The following BARX2 variants were observed in gnomAD, a reference collection of about 807,000 sequenced individuals.
BARX2 encodes the protein BARX homeobox 2.
BARX2 carries 11 observed loss-of-function variants against 25.5 expected under a neutral mutation model. The observed-to-expected ratio is 0.43, with a 90% confidence interval of 0.27 to 0.71. BARX2 has a LOEUF of 0.71. BARX2 is among the 30% of genes least tolerant of loss of function. BARX2 has a pLI of 0.19. For synonymous variants in BARX2, 137 were observed against 149.5 expected, an observed-to-expected ratio of 0.92 and a Z score of 0.61; for missense variants, 360 against 359.9, an observed-to-expected ratio of 1.00 and a Z score of 0.00.
chr11:129,382,272 G>A (rs571528688), intron 1 of BARX2, among the ~76,000 whole-genome samples: 19 of 152,214 alleles, frequency 1.2e-4, no homozygotes, highest in Non-Finnish European at 2.1e-4. Context: ...TCTGCTTCCC[G>A]GGTTCAAGCG....
At chr11:129,389,540 G>T (rs1346983162) in intron 1 of BARX2, among the ~76,000 whole-genome samples, 1 of 151,668 alleles carries the variant, frequency 6.6e-6, no homozygotes, top group Non-Finnish European at 1.5e-5. Context: ...AACATCACAA[G>T]ATGTGCTTTG....
At position 129,415,501 on chromosome 11, in the gene BARX2, G is replaced by C. The variant is rs531676224; in HGVS notation, c.188-21250G>C. Among the ~76,000 whole-genome samples, 16 of 152,188 alleles carry C rather than the reference G, an allele frequency of 1.1e-4. No homozygotes were observed. In the South Asian group the frequency reaches 3.3e-3, roughly 32 times the overall value. On this transcript the variant is annotated intron_variant, in intron 1 of 3. Coordinates refer to ENST00000281437, the MANE Select transcript of BARX2 (RefSeq NM_003658.5). ...ATAAGCAATAAGAATGGTTCTGCTGGGCCCACTGGTCATAACTTGTCTAAT... is the reference window on the plus strand; with the variant it reads ...ATAAGCAATAAGAATGGTTCTGCTGCGCCCACTGGTCATAACTTGTCTAAT...
At chr11:129,399,661 G>A (rs1278530566) in intron 1 of BARX2, among the ~76,000 whole-genome samples, 1 of 152,152 alleles carries the variant, frequency 6.6e-6, no homozygotes, top group Non-Finnish European at 1.5e-5. Flanking sequence ...GCAGAGCAAG[G>A]CTACCCCATA....
chr11:129,408,841 C>A (rs1861858455), intron 1 of BARX2, among the ~76,000 whole-genome samples: 1 of 152,138 alleles, frequency 6.6e-6, no homozygotes, highest in African/African-American at 2.4e-5. Flanking sequence ...GCTCCTTGAG[C>A]AGACCATGTT....
chr11:129,425,119 G>C (rs1032939177), intron 1 of BARX2, among the ~76,000 whole-genome samples: 1 of 152,196 alleles, frequency 6.6e-6, no homozygotes, highest in Non-Finnish European at 1.5e-5. Flanking sequence ...AGAGCTCAAA[G>C]GTGTCAGAAC....
chr11:129,409,003 A>C (rs1861859896), intron 1 of BARX2, among the ~76,000 whole-genome samples: 1 of 152,156 alleles, frequency 6.6e-6, no homozygotes, highest in South Asian at 2.1e-4. Context: ...AAGGGGAGTG[A>C]TATTCACCAT....
At chr11:129,427,043 G>A (rs530093912) in intron 1 of BARX2, among the ~76,000 whole-genome samples, 12 of 152,240 alleles carry the variant, frequency 7.9e-5, no homozygotes, top group African/African-American at 2.4e-4. Flanking sequence ...AAGAAGATAC[G>A]TATGCATGCT....
At chr11:129,416,988 G>A (rs756717742) in intron 1 of BARX2, among the ~76,000 whole-genome samples, 7 of 151,218 alleles carry the variant, frequency 4.6e-5, no homozygotes, top group Non-Finnish European at 7.4e-5. Flanking sequence ...TGCAAGCTCC[G>A]CCTCCCGGGT....
At chr11:129,423,935 C>T (rs1862036830) in intron 1 of BARX2, among the ~76,000 whole-genome samples, 1 of 151,740 alleles carries the variant, frequency 6.6e-6, no homozygotes, top group South Asian at 2.1e-4. Context: ...CTGTAACCTC[C>T]ACCTCCTAGG....
At chr11:129,431,445 T>C (rs77189556) in intron 1 of BARX2, among the ~76,000 whole-genome samples, 1,644 of 152,294 alleles carry the variant, frequency 0.011, 31 homozygotes, top group African/African-American at 0.038. Context: ...CTCCACATCC[T>C]CACCAGCACT....
intron 1 of BARX2, among the ~76,000 whole-genome samples, chr11:129,384,884 A>G (rs930819302): frequency 3.3e-5 from 5 of 152,210 alleles, no homozygotes; most frequent in African/African-American, 1.2e-4. Context: ...AAATATCCCT[A>G]TGAAATAGGT....
At chr11:129,404,100 C>T (rs747369594) in intron 1 of BARX2, among the ~76,000 whole-genome samples, 3 of 152,206 alleles carry the variant, frequency 2.0e-5, no homozygotes. Flanking sequence ...AAATTTTCAA[C>T]AAGGACCACT....
At chr11:129,375,530 C>T (rs966819312), upstream of BARX2, among the ~76,000 whole-genome samples, 1 of 152,080 alleles carries the variant, frequency 6.6e-6, no homozygotes, top group Non-Finnish European at 1.5e-5. The surrounding 1 kb of genome is among the most constrained non-coding windows in gnomAD (Gnocchi z 4.0). Context: ...CGGGCTGGGG[C>T]GGTGCGCGCT....
intron 1 of BARX2, among the ~76,000 whole-genome samples, chr11:129,392,177 C>T (rs1476637025): frequency 1.3e-5 from 2 of 152,198 alleles, no homozygotes; most frequent in African/African-American, 4.8e-5. Flanking sequence ...TAGTTGCTCT[C>T]TTATTTACAT....
rs1591448697 is a variant in BARX2, at chr11:129,442,997, G to A, written c.573+78G>A. On this transcript the variant is annotated intron_variant, in intron 3 of 3. Transcript: ENST00000281437. ...TCCAGGGCTGTTGGGAGGGAGGCCG[G>A]ACCATTTGGCAGTTTGGGCTGCAGA... The A allele has an allele frequency of 1.8e-5, 25 of 1,355,742 alleles. No homozygotes were observed. The Admixed American group carries it at 4.3e-4, about 23-fold the overall frequency. 84.0% of individuals were successfully genotyped at this position (1,355,742 alleles called of 1,614,324 possible).
At chr11:129,398,275 G>C (rs1861742550) in intron 1 of BARX2, among the ~76,000 whole-genome samples, 1 of 152,138 alleles carries the variant, frequency 6.6e-6, no homozygotes, top group African/African-American at 2.4e-5. Flanking sequence ...TGATCCATGT[G>C]TCTTGATGAA....
chr11:129,392,392 C>T (rs1208876537), intron 1 of BARX2, among the ~76,000 whole-genome samples: 1 of 152,124 alleles, frequency 6.6e-6, no homozygotes, highest in Non-Finnish European at 1.5e-5. Context: ...AGTGCAAGGT[C>T]GATTAATGTC....
chr11:129,447,968 A>G (rs1432086045), intron 3 of BARX2, among the ~76,000 whole-genome samples: 6 of 152,234 alleles, frequency 3.9e-5, no homozygotes, highest in Non-Finnish European at 8.8e-5. Flanking sequence ...AAAGAAATAC[A>G]GGGAACGTCT....
chr11:129,450,635 T>C (rs1862386828), intron 3 of BARX2, among the ~76,000 whole-genome samples: 1 of 152,254 alleles, frequency 6.6e-6, no homozygotes, highest in Non-Finnish European at 1.5e-5. Context: ...GATCAATCTT[T>C]GTCTCAGTCT....
Sources: allele counts gnomAD v4.1 joint callset (sites outside exome capture counted in the v4.1 genomes callset), GRCh38; gene constraint gnomAD v4.1.1; non-coding constraint Gnocchi (gnomAD v3.1); transcripts MANE v1.5; gene names NCBI Gene and HGNC (gene_info 2026-07-23, HGNC 2026-07-21).